The following TAP2 variants were observed in gnomAD, a reference collection of about 807,000 sequenced individuals.
TAP2 encodes antigen peptide transporter 2.
Under a neutral mutation model 74.7 loss-of-function variants are expected in TAP2, and 49 were observed. That is an observed-to-expected ratio of 0.66 (90% confidence interval 0.52 to 0.83). The LOEUF (loss-of-function observed/expected upper bound fraction) is 0.83, where lower values mean the gene tolerates loss of function less well. Ranked by LOEUF, TAP2 falls within the 40% of genes least tolerant of loss-of-function variation. The pLI, the probability that TAP2 is intolerant of heterozygous loss-of-function variation, is 0.00. For missense variants in TAP2, 739 were observed against 859.0 expected (o/e 0.86, Z 1.75); for synonymous variants, 306 against 368.4 (o/e 0.83, Z 1.94).
chr6:32,833,619 A>T (rs540451546), intron 5 of TAP2, among the ~76,000 whole-genome samples: 3 of 52,410 alleles, frequency 5.7e-5, no homozygotes, highest in South Asian at 6.5e-4. Context: ...AATGGCTATT[A>T]AAAAAAAAGA....
chr6:32,828,578 G>T lies in TAP2; in HGVS notation c.*328C>A. The T allele has an allele frequency of 9.7e-7, 1 of 1,026,640 alleles. No individual in the cohort carries two copies. The highest frequency in any genetic ancestry group is 4.3e-5 in the South Asian group (1 of 23,484). The allele number at this position is 1,026,640 out of a possible 1,614,324, so 63.6% of individuals were successfully genotyped here. A position where few individuals can be genotyped will look rare whatever the true frequency, so the allele number is the denominator to read the frequency against. ...GAATGTATACAGTTCATGTAAGAAGGAAAATATTTTAAAATATATGTATTA... is the reference window on the plus strand; with the variant it reads ...GAATGTATACAGTTCATGTAAGAAGTAAAATATTTTAAAATATATGTATTA... On this transcript the variant is annotated 3_prime_UTR_variant, in exon 12 of 12. Coordinates refer to ENST00000374897, the MANE Select transcript of TAP2 (RefSeq NM_001290043.2).
In TAP2 at chr6:32,832,539, G is replaced by A; in HGVS notation, c.1144-78C>T. 1 of 1,611,408 alleles carries A rather than the reference G, an allele frequency of 6.2e-7. No individual in the cohort carries two copies. Among genetic ancestry groups the A allele is most frequent in the South Asian group, 1.1e-5 (1 of 90,914 alleles). On this transcript the variant is annotated intron_variant, in intron 6 of 11. Coordinates refer to ENST00000374897, the MANE Select transcript of TAP2 (RefSeq NM_001290043.2). The surrounding 1 kb of genome is among the most constrained non-coding windows in gnomAD (Gnocchi z 5.9). ...CTCTCTGCCTCTATGAGACTGAGCTGCAAAGGCCTCTAGAACCAGCTGTAG... is the reference window on the plus strand; with the variant it reads ...CTCTCTGCCTCTATGAGACTGAGCTACAAAGGCCTCTAGAACCAGCTGTAG...
chr6:32,832,404 C>A lies in TAP2; in HGVS notation c.1201G>T (p.Asp401Tyr). Residue 401 changes from aspartate to tyrosine, a missense_variant, in exon 7 of 12, where the codon GAT (aspartate) becomes TAT (tyrosine). By Grantham distance (160) the Asp-to-Tyr change is radical (BLOSUM62 -3). Transcript: ENST00000374897. This position sits in a 1 kb window ranked among gnomAD's most constrained non-coding sequence, Gnocchi z 5.9. ...MLSCGLQQMQ[D>Y]GELTQGSLLS... ...AGGCTGCCCTGGGTGAGCTCCCCAT[C>A]CTGCATCTGCTGCAGCCCACAGCTC... The A allele has an allele frequency of 6.2e-7, 1 of 1,613,000 alleles. No homozygotes were observed. Among genetic ancestry groups the A allele is most frequent in the Non-Finnish European group, 8.5e-7 (1 of 1,180,000 alleles).
Position 32,829,513 on chromosome 6 carries a change from G to A in TAP2, c.1819C>T (p.Leu607=). 2 of 1,614,214 alleles carry A rather than the reference G, an allele frequency of 1.2e-6. No homozygotes were observed. Among genetic ancestry groups the A allele is most frequent in the Non-Finnish European group, 1.7e-6 (2 of 1,180,034 alleles). Residue 607 remains leucine, a synonymous_variant, in exon 11 of 12, where the codon CTG becomes TTG. Transcript: ENST00000374897. ...AGACGTTGTTTCTGTCCCGCAGCCA[G>A]CTGGCTTCCCTTCTCCCCTACATCT... ...YTDVGEKGSQ[L]AAGQKQRLAI...
At chr6:32,825,129 TATAC>T (rs1013832350), downstream of TAP2, among the ~76,000 whole-genome samples, 16 of 131,398 alleles carry the variant, frequency 1.2e-4, 1 homozygote, top group Non-Finnish European at 1.7e-4. Context: ...CTGTTGGTTA[TATAC>T]ATATATATAT....
rs1417328604 is a variant in TAP2, at chr6:32,825,527, G to C, written c.*3379C>G. On this transcript the variant is annotated 3_prime_UTR_variant, in exon 12 of 12. Transcript: ENST00000374897. ...AGCAAGAATAAAGATATACATATTT[G>C]CTTAATACACAGTAAACTTCTCTGG... 1 of 152,162 alleles carries C rather than the reference G, an allele frequency of 6.6e-6. No homozygotes were observed. Among genetic ancestry groups the C allele is most frequent in the African/African-American group, 2.4e-5 (1 of 41,444 alleles). The allele number at this position is 152,162 out of a possible 1,614,324, so 9.4% of individuals were successfully genotyped here.
At chr6:32,824,804 G>A (rs1007364461), downstream of TAP2, among the ~76,000 whole-genome samples, 1 of 150,118 alleles carries the variant, frequency 6.7e-6, no homozygotes, top group Non-Finnish European at 1.5e-5. Flanking sequence ...AAAGACTTTA[G>A]GTGCTTTAAC....
chr6:32,827,572 C>G lies in TAP2; in HGVS notation c.*1334G>C, dbSNP rs1337004256. ...ACATAAGTAAGGCCTCCTGGAAGACCTGAACCCTGAGTTAAGTCTTGAACT... is the reference window on the plus strand; with the variant it reads ...ACATAAGTAAGGCCTCCTGGAAGACGTGAACCCTGAGTTAAGTCTTGAACT... On this transcript the variant is annotated 3_prime_UTR_variant, in exon 12 of 12. Transcript: ENST00000374897. The G allele has an allele frequency of 2.6e-6, 1 of 385,608 alleles. No homozygotes were observed. Among genetic ancestry groups the G allele is most frequent in the East Asian group, 1.7e-4 (1 of 6,024 alleles). The allele number at this position is 385,608 out of a possible 1,614,324, so 23.9% of individuals were successfully genotyped here.
chr6:32,838,182 C>A lies in TAP2; in HGVS notation c.52G>T (p.Ala18Ser), dbSNP rs142474137. 25 of 1,594,406 alleles carry A rather than the reference C, an allele frequency of 1.6e-5. No homozygotes were observed. Among genetic ancestry groups the A allele is most frequent in the Non-Finnish European group, 2.1e-5 (24 of 1,170,148 alleles). The change falls in exon 2 of 12, where the codon GCT (alanine) becomes TCT (serine). Residue 18 changes from alanine to serine, a missense_variant. Ala to Ser is a moderately conservative substitution (Grantham distance 99, BLOSUM62 1). Coordinates refer to ENST00000374897, the MANE Select transcript of TAP2 (RefSeq NM_001290043.2). ...PWTSLLLVDA[A>S]LLWLLQGPLG... is the part of the protein sequence containing the mutation. ...GGGCCCTGAAGCAGCCACAGTAAAG[C>A]CGCGTCCACCAGCAGCAGGGAGGTC...
rs758567610 is a variant in TAP2, at chr6:32,830,323, C to G, written c.1579G>C (p.Val527Leu). 9.9e-6 allele frequency: 16 copies of G among 1,613,136 alleles called. No individual in the cohort carries two copies. In the Admixed American group the frequency reaches 2.5e-4, roughly 25 times the overall value. Residue 527 changes from valine to leucine, a missense_variant, in exon 9 of 12, where the codon GTG becomes CTG. Transcript: ENST00000374897. ...QNLYQPTGGQ[V>L]LLDEKPISQY... The stretch of plus-strand genomic sequence containing the variant: ...GAGATGGGCTTTTCATCCAGCAGCA[C>G]CTGTCCCCCTGTGGGCTGGTACAGA...
rs1768717350 is a variant in TAP2, at chr6:32,827,296, G to A, written c.*1610C>T. 1 of 985,250 alleles carries A rather than the reference G, an allele frequency of 1.0e-6. No individual in the cohort carries two copies. The highest frequency in any genetic ancestry group is 1.2e-6 in the Non-Finnish European group (1 of 829,918). The allele number at this position is 985,250 out of a possible 1,614,324, so 61.0% of individuals were successfully genotyped here. On this transcript the variant is annotated 3_prime_UTR_variant, in exon 12 of 12. Coordinates refer to ENST00000374897, the MANE Select transcript of TAP2 (RefSeq NM_001290043.2). ...TTTCAGTGGTGGGAGTGGGCAGGGA[G>A]GATTAAGATTAGTACGATGGTGGAG...
rs1768898291 is a variant in TAP2 at position 32,829,430 on chromosome 6, A to G, written c.1902T>C (p.Thr634=). ...DPRVLILDEA[T]SALDVQCEQA... ...GCTCGCACTGCACATCTAGGGCACT[A>G]GTAGCCTCATCCAGGATGAGGACCC... Residue 634 remains threonine, a synonymous_variant, in exon 11 of 12, where the codon ACT becomes ACC. Coordinates refer to ENST00000374897, the MANE Select transcript of TAP2 (RefSeq NM_001290043.2). 1 of 1,609,344 alleles carries G rather than the reference A, an allele frequency of 6.2e-7. No homozygotes were observed. The highest frequency in any genetic ancestry group is 8.5e-7 in the Non-Finnish European group (1 of 1,177,830).
chr6:32,834,845 G>A (rs1460236907), intron 5 of TAP2, among the ~76,000 whole-genome samples: 1 of 152,136 alleles, frequency 6.6e-6, no homozygotes, highest in Non-Finnish European at 1.5e-5. Flanking sequence ...GGGATGTACA[G>A]ACTCCTTTGA....
intron 3 of TAP2, 104 bp downstream of exon 3, chr6:32,837,433 T>TG: frequency 1.1e-6 from 1 of 881,124 alleles, no homozygotes; most frequent in Non-Finnish European, 1.9e-6. Context: ...AGTTTAAGTA[T>TG]TTTTGTGTTT....
chr6:32,826,150 C>T lies in TAP2; in HGVS notation c.*2756G>A. 1 of 985,430 alleles carries T rather than the reference C, an allele frequency of 1.0e-6. No individual in the cohort carries two copies. The allele number at this position is 985,430 out of a possible 1,614,324, so 61.0% of individuals were successfully genotyped here. A position where few individuals can be genotyped will look rare whatever the true frequency, so the allele number is the denominator to read the frequency against. On this transcript the variant is annotated 3_prime_UTR_variant, in exon 12 of 12. Coordinates refer to ENST00000374897, the MANE Select transcript of TAP2 (RefSeq NM_001290043.2). ...TCCTTATTCCCTAGTCCTTTCCCCA[C>T]AAAATTCTGACAATTACGCATTTCC...
At position 32,827,219 on chromosome 6, in the gene TAP2, A is replaced by G. The variant is rs752235183; in HGVS notation, c.*1687T>C. On this transcript the variant is annotated 3_prime_UTR_variant, in exon 12 of 12. Coordinates refer to ENST00000374897, the MANE Select transcript of TAP2 (RefSeq NM_001290043.2). ...AAGGTTTCTCTTTCCTAGAATAGCAACTTTCCAAGGTAAGTCCCTCCCAAC... is the reference window on the plus strand; with the variant it reads ...AAGGTTTCTCTTTCCTAGAATAGCAGCTTTCCAAGGTAAGTCCCTCCCAAC... The G allele has an allele frequency of 2.8e-5, 28 of 985,348 alleles. No homozygotes were observed. Among genetic ancestry groups the G allele is most frequent in the Non-Finnish European group, 3.4e-5 (28 of 829,942 alleles). 61.0% of individuals were successfully genotyped at this position (985,348 alleles called of 1,614,324 possible).
Position 32,825,993 on chromosome 6 carries a change from TA to T in TAP2, c.*2912del, listed in dbSNP as rs1768625060. 1.0e-6 allele frequency: 1 copy of T among 983,410 alleles called. No individual in the cohort carries two copies. The highest frequency in any genetic ancestry group is 1.8e-5 in the African/African-American group (1 of 55,788). The allele number at this position is 983,410 out of a possible 1,614,324, so 60.9% of individuals were successfully genotyped here. A position where few individuals can be genotyped will look rare whatever the true frequency, so the allele number is the denominator to read the frequency against. ...ACCAGTGAATGCTTAGTAGTAGTAG[TA>T]GTCTAATTCCTAAGAGTCCATGGAA... is the stretch of plus-strand genomic sequence containing the variant. On this transcript the variant is annotated 3_prime_UTR_variant, in exon 12 of 12. Coordinates refer to ENST00000374897, the MANE Select transcript of TAP2 (RefSeq NM_001290043.2).
chr6:32,822,532 TTTTG>T (rs138505424), downstream of TAP2, among the ~76,000 whole-genome samples: 96 of 152,118 alleles, frequency 6.3e-4, no homozygotes, highest in Non-Finnish European at 1.3e-3. Context: ...GCCATTTAAT[TTTTG>T]TTTGTTTGTT....
downstream of TAP2, among the ~76,000 whole-genome samples, chr6:32,824,074 GAACATC>G (rs1768484476): frequency 6.6e-6 from 1 of 152,096 alleles, no homozygotes; most frequent in Non-Finnish European, 1.5e-5. Flanking sequence ...TTACAGACAA[GAACATC>G]AACAGGCTTA....
Sources: gnomAD v4.1 joint callset for allele counts (sites outside exome capture counted in the v4.1 genomes callset) on GRCh38, gnomAD v4.1.1 for gene constraint, Gnocchi (gnomAD v3.1) non-coding constraint, MANE v1.5 for transcripts, NCBI Gene and HGNC (gene_info 2026-07-23, HGNC 2026-07-21) for gene names.